Variants in ACTR3B observed in about 807,000 individuals in gnomAD.
ACTR3B encodes actin-related protein 3B.
ACTR3B carries 8 observed loss-of-function variants against 59.0 expected under a neutral mutation model. The ratio of observed to expected loss-of-function variants is 0.14; its 90% CI spans 0.08 to 0.24. The LOEUF is 0.24. Ranked by LOEUF, ACTR3B falls within the 10% of genes least tolerant of loss-of-function variation. The pLI is 1.00. For synonymous variants in ACTR3B, 148 were observed against 197.9 expected (o/e 0.75, Z 2.12); for missense variants, 245 against 552.3 (o/e 0.44, Z 5.58).
chr7:152,834,406 G>T (rs534949198), intron 9 of ACTR3B, among the ~76,000 whole-genome samples: 1 of 152,118 alleles, frequency 6.6e-6, no homozygotes, highest in Non-Finnish European at 1.5e-5. Flanking sequence ...TGCCTGCCTC[G>T]GCCTCCCGAA....
intron 2 of ACTR3B, among the ~76,000 whole-genome samples, chr7:152,795,710 A>G (rs1367208055): frequency 6.6e-6 from 1 of 152,198 alleles, no homozygotes; most frequent in African/African-American, 2.4e-5. Context: ...CAGTAGCTCT[A>G]CCATCCATGG....
chr7:152,785,114 T>A (rs941072407), intron 2 of ACTR3B, among the ~76,000 whole-genome samples: 2 of 151,936 alleles, frequency 1.3e-5, no homozygotes, highest in Non-Finnish European at 2.9e-5. Context: ...TATAAAAGGC[T>A]GACCTTGCAC....
At chr7:152,817,652 A>G (rs1738213457) in intron 6 of ACTR3B, among the ~76,000 whole-genome samples, 1 of 152,162 alleles carries the variant, frequency 6.6e-6, no homozygotes, top group Non-Finnish European at 1.5e-5. Flanking sequence ...CTCCTCAGGA[A>G]CCACCATTGC....
At chr7:152,770,645 A>C (rs530687536) in intron 1 of ACTR3B, among the ~76,000 whole-genome samples, 1 of 151,948 alleles carries the variant, frequency 6.6e-6, no homozygotes, top group African/African-American at 2.4e-5. Flanking sequence ...CGCCCAGAAC[A>C]AAGGATTTAG....
intron 9 of ACTR3B, among the ~76,000 whole-genome samples, chr7:152,832,620 C>G (rs2116915349): frequency 6.6e-6 from 1 of 152,228 alleles, no homozygotes; most frequent in East Asian, 1.9e-4. Flanking sequence ...CTCGAGCCTC[C>G]CAAAGTGCTG....
intron 2 of ACTR3B, among the ~76,000 whole-genome samples, chr7:152,785,495 G>C (rs1264916172): frequency 9.1e-6 from 1 of 109,322 alleles, no homozygotes; most frequent in East Asian, 2.8e-4. Flanking sequence ...GAGAGAGACA[G>C]AGAGAGAGAG....
At chr7:152,769,617 A>T (rs1051913340) in intron 1 of ACTR3B, among the ~76,000 whole-genome samples, 1 of 152,158 alleles carries the variant, frequency 6.6e-6, no homozygotes, top group Non-Finnish European at 1.5e-5. Context: ...TATGATTGAT[A>T]TATTTGGCCT....
chr7:152,829,351 C>A (rs190966926), intron 9 of ACTR3B, among the ~76,000 whole-genome samples: 7 of 152,318 alleles, frequency 4.6e-5, no homozygotes, highest in Non-Finnish European at 8.8e-5. Context: ...TGACTAACAT[C>A]TCCCCACTCC....
chr7:152,834,079 G>A (rs1433446016), intron 9 of ACTR3B, among the ~76,000 whole-genome samples: 1 of 150,050 alleles, frequency 6.7e-6, no homozygotes, highest in Non-Finnish European at 1.5e-5. Flanking sequence ...GTTCAATTTA[G>A]AAAATTTGAG....
Position 152,842,075 on chromosome 7 carries a change from T to C in ACTR3B, c.952-10051T>C, listed in dbSNP as rs1405188824. Among the ~76,000 whole-genome samples, 5 of 152,352 alleles carry C rather than the reference T, an allele frequency of 3.3e-5. No individual in the cohort carries two copies. In the South Asian group the frequency reaches 8.3e-4, roughly 25 times the overall value. ...CCCATCTGCTTCCTATCACTGTAGA[T>C]GGGATTTGACTTCCCGAAGTTTCAT... On this transcript the variant is annotated intron_variant, in intron 9 of 11. Transcript: ENST00000256001.
At chr7:152,852,365 T>C (rs925194478) in intron 10 of ACTR3B, 114 bp downstream of exon 10, 1 of 1,310,508 alleles carries the variant, frequency 7.6e-7, no homozygotes. Context: ...TAAAAACAAG[T>C]GTTCATCGCT....
chr7:152,829,743 A>G (rs1796873549), intron 9 of ACTR3B, among the ~76,000 whole-genome samples: 1 of 152,134 alleles, frequency 6.6e-6, no homozygotes, highest in Non-Finnish European at 1.5e-5. Flanking sequence ...AGGTGACTCT[A>G]ATGTGCTTCT....
At chr7:152,809,444 C>A (rs1392215513) in intron 4 of ACTR3B, among the ~76,000 whole-genome samples, 1 of 152,108 alleles carries the variant, frequency 6.6e-6, no homozygotes, top group Admixed American at 6.5e-5. Context: ...TAGAGGAAGC[C>A]GCCCTTACCC....
chr7:152,830,722 A>T (rs1202781163), intron 9 of ACTR3B, among the ~76,000 whole-genome samples: 9 of 150,994 alleles, frequency 6.0e-5, no homozygotes, highest in South Asian at 4.2e-4. Context: ...CTAATTAAAA[A>T]TTTTTTTTTG....
At chr7:152,853,083 G>A (rs1009535608) in intron 10 of ACTR3B, among the ~76,000 whole-genome samples, 1 of 151,912 alleles carries the variant, frequency 6.6e-6, no homozygotes, top group African/African-American at 2.4e-5. Context: ...GAGCTACCAC[G>A]CCCGGCCAGA....
rs143138776 is a variant in ACTR3B at position 152,853,780 on chromosome 7, G to T, written c.1161+203G>T. On this transcript the variant is annotated intron_variant, in intron 11 of 11. Coordinates refer to ENST00000256001, the MANE Select transcript of ACTR3B (RefSeq NM_020445.6). Reference sequence around the variant, plus strand: ...CGCCCAGGCTGGAGTTTAATGGTGCGATCTCAGCTCACTGCAACCTCCGCC... The same window carrying T: ...CGCCCAGGCTGGAGTTTAATGGTGCTATCTCAGCTCACTGCAACCTCCGCC... Among the ~76,000 whole-genome samples, 835 of 152,122 alleles carry T rather than the reference G, an allele frequency of 5.5e-3. 9 individuals carry two copies. The highest frequency in any genetic ancestry group is 0.019 in the African/African-American group (781 of 41,472).
chr7:152,793,862 A>C (rs1200169751), intron 2 of ACTR3B, among the ~76,000 whole-genome samples: 2 of 151,408 alleles, frequency 1.3e-5, no homozygotes, highest in Admixed American at 1.3e-4. Context: ...ATACCACTTC[A>C]TTATTGCCAG....
At chr7:152,806,967 G>A (rs1436213429) in intron 4 of ACTR3B, among the ~76,000 whole-genome samples, 2 of 152,192 alleles carry the variant, frequency 1.3e-5, no homozygotes, top group Non-Finnish European at 2.9e-5. Context: ...ACTCTGGCTG[G>A]ATTTTACCTA....
intron 7 of ACTR3B, 114 bp from the exon 8 acceptor site, chr7:152,823,228 G>T (rs1351779098): frequency 2.1e-6 from 3 of 1,430,234 alleles, no homozygotes; most frequent in Non-Finnish European, 2.8e-6. Context: ...AGTTACGGTG[G>T]GGGCGGTTCT....
Sources: gnomAD v4.1 joint callset for allele counts (sites outside exome capture counted in the v4.1 genomes callset) on GRCh38, gnomAD v4.1.1 for gene constraint, MANE v1.5 for transcripts, NCBI Gene and HGNC (gene_info 2026-07-23, HGNC 2026-07-21) for gene names.